Variants in PTPN13 observed in about 807,000 individuals in gnomAD.
The protein encoded by PTPN13 is protein tyrosine phosphatase non-receptor type 13.
In PTPN13, 191 loss-of-function variants were observed where a neutral mutation model predicts 284.0. The ratio of observed to expected loss-of-function variants is 0.67; its 90% CI spans 0.60 to 0.76. The LOEUF is 0.76. Ranked by LOEUF, PTPN13 falls within the 30% of genes least tolerant of loss-of-function variation. The probability of loss-of-function intolerance (pLI) is 0.00; values close to 1 mark genes in which losing one functional copy is unlikely to be tolerated. For synonymous variants in PTPN13, 986 were observed against 1,022.3 expected (o/e 0.96, Z 0.68); for missense variants, 2,797 against 2,939.9 (o/e 0.95, Z 1.12).
chr4:86,789,439 G>A (rs1449830790), intron 40 of PTPN13, among the ~76,000 whole-genome samples: 1 of 152,134 alleles, frequency 6.6e-6, no homozygotes, highest in Non-Finnish European at 1.5e-5. Context: ...CCCTGTGCTT[G>A]TAAGAGCCTC....
chr4:86,749,212 A>C (rs1737121196), intron 17 of PTPN13, among the ~76,000 whole-genome samples: 1 of 152,240 alleles, frequency 6.6e-6, no homozygotes, highest in East Asian at 1.9e-4. Context: ...CAATCCAAGA[A>C]TCTAAGTCAG....
At chr4:86,653,473 T>C (rs908684269) in intron 2 of PTPN13, among the ~76,000 whole-genome samples, 1 of 151,576 alleles carries the variant, frequency 6.6e-6, no homozygotes, top group African/African-American at 2.4e-5. Context: ...GGGGGCGCCC[T>C]AAGCTCCGGA....
intron 31 of PTPN13, among the ~76,000 whole-genome samples, chr4:86,772,457 G>A (rs997768804): frequency 5.3e-5 from 8 of 151,956 alleles, no homozygotes; most frequent in African/African-American, 9.7e-5. Flanking sequence ...GGGTGGCTGC[G>A]GCAGGAGAAT....
At chr4:86,635,426 A>T (rs898568036) in intron 2 of PTPN13, 55 bp downstream of exon 2, 91 of 1,546,662 alleles carry the variant, frequency 5.9e-5, no homozygotes, top group Non-Finnish European at 7.6e-5. Flanking sequence ...TGGGTACTTA[A>T]AAAACAGATA....
At chr4:86,807,215 A>G (rs965121134) in intron 44 of PTPN13, among the ~76,000 whole-genome samples, 7 of 152,160 alleles carry the variant, frequency 4.6e-5, no homozygotes, top group African/African-American at 1.7e-4. Context: ...ATGGAGAAGT[A>G]CCAGTTGTTT....
rs184669718 is a variant in PTPN13, at chr4:86,737,310, T to G, written c.2304+1564T>G. Among the ~76,000 whole-genome samples the G allele has an allele frequency of 1.4e-3, 218 of 151,910 alleles. 1 individual carries two copies. Among genetic ancestry groups the G allele is most frequent in the African/African-American group, 4.7e-3 (194 of 41,514 alleles). ...ATTAGTATAATAAAATATAAAAATA[T>G]GTATACAGTTCAGCAATCACCTCCA... On this transcript the variant is annotated intron_variant, in intron 15 of 47. Transcript: ENST00000411767.
At chr4:86,640,584 G>A (rs373673419) in intron 2 of PTPN13, among the ~76,000 whole-genome samples, 2 of 152,134 alleles carry the variant, frequency 1.3e-5, no homozygotes. Context: ...TGACATAGAC[G>A]ATAAGTACTA....
intron 1 of PTPN13, among the ~76,000 whole-genome samples, chr4:86,629,010 A>G (rs1250941202): frequency 6.6e-6 from 1 of 152,012 alleles, no homozygotes; most frequent in Non-Finnish European, 1.5e-5. Flanking sequence ...TCCTTTGGGT[A>G]TATACCCAGT....
rs542310962 is a variant in PTPN13, at chr4:86,625,912, G to C, written c.-5-9340G>C. Among the ~76,000 whole-genome samples the C allele has an allele frequency of 2.0e-5, 3 of 152,240 alleles. No individual in the cohort carries two copies. The South Asian group carries it at 6.2e-4, about 32-fold the overall frequency. Reference sequence around the variant, plus strand: ...TTATCCGTATTTGTTTCCTTTGGTTGCTGTCCAGTAGACATTTTAAGTCTA... The same window carrying C: ...TTATCCGTATTTGTTTCCTTTGGTTCCTGTCCAGTAGACATTTTAAGTCTA... On this transcript the variant is annotated intron_variant, in intron 1 of 47. Transcript: ENST00000411767.
chr4:86,741,925 C>A, intron 16 of PTPN13, 109 bp downstream of exon 16: 1 of 809,880 alleles, frequency 1.2e-6, no homozygotes, highest in Non-Finnish European at 1.9e-6. Flanking sequence ...GGGGATAATA[C>A]ATCTTAATAC....
intron 28 of PTPN13, 102 bp downstream of exon 28, chr4:86,768,078 C>A: frequency 1.9e-6 from 2 of 1,063,000 alleles, no homozygotes; most frequent in South Asian, 1.8e-5. Context: ...TAGTTTTGTT[C>A]ATTATTCTTG....
At chr4:86,758,591 C>T in intron 21 of PTPN13, 87 bp from the exon 22 acceptor site, 3 of 1,148,338 alleles carry the variant, frequency 2.6e-6, no homozygotes. Context: ...TATCAATAGT[C>T]CCCACATTTC....
chr4:86,620,247 C>A (rs1017768862), intron 1 of PTPN13, among the ~76,000 whole-genome samples: 3 of 152,146 alleles, frequency 2.0e-5, no homozygotes, highest in Non-Finnish European at 2.9e-5. Flanking sequence ...TTCACTGCAG[C>A]CTTGACTTCC....
intron 35 of PTPN13, among the ~76,000 whole-genome samples, chr4:86,777,384 G>A (rs1371542826): frequency 6.6e-6 from 1 of 152,072 alleles, no homozygotes; most frequent in African/African-American, 2.4e-5. Context: ...CTCTTTCTGT[G>A]ACTCAGACTT....
At chr4:86,624,143 C>G (rs1035291595) in intron 1 of PTPN13, among the ~76,000 whole-genome samples, 4 of 152,050 alleles carry the variant, frequency 2.6e-5, no homozygotes, top group Non-Finnish European at 5.9e-5. Flanking sequence ...TCGTTCCATT[C>G]TTTTACAATT....
At chr4:86,643,157 G>T (rs904600874) in intron 2 of PTPN13, among the ~76,000 whole-genome samples, 1 of 151,904 alleles carries the variant, frequency 6.6e-6, no homozygotes, top group African/African-American at 2.4e-5. Context: ...ATAAATAAAA[G>T]AATTAATGAA....
chr4:86,791,212 G>T (rs554440856), intron 40 of PTPN13, among the ~76,000 whole-genome samples: 1 of 152,226 alleles, frequency 6.6e-6, no homozygotes, highest in African/African-American at 2.4e-5. Context: ...GGCTCAGCGG[G>T]TCCCAAGCCC....
chr4:86,655,832 A>C (rs1350025272), intron 2 of PTPN13, among the ~76,000 whole-genome samples: 3 of 152,130 alleles, frequency 2.0e-5, no homozygotes, highest in East Asian at 1.9e-4. Flanking sequence ...TATCCTGCAG[A>C]GTGTTTTCCA....
chr4:86,749,054 T>C (rs1163177520), intron 17 of PTPN13, among the ~76,000 whole-genome samples: 4 of 152,200 alleles, frequency 2.6e-5, no homozygotes, highest in Non-Finnish European at 5.9e-5. Flanking sequence ...AGAGAGATCA[T>C]TGAATTTTCC....
Sources: gnomAD v4.1 joint callset for allele counts (sites outside exome capture counted in the v4.1 genomes callset) on GRCh38, gnomAD v4.1.1 for gene constraint, MANE v1.5 for transcripts, NCBI Gene and HGNC (gene_info 2026-07-23, HGNC 2026-07-21) for gene names.